Variants in FIRRM observed in about 807,000 individuals in gnomAD.
The protein encoded by FIRRM is FIGNL1-interacting regulator of recombination and mitosis.
chr1:169,796,005 C>G, the FIRRM span: 167 of 975,704 alleles, frequency 1.7e-4, no homozygotes, highest in Middle Eastern at 2.1e-3. Context: ...GTATATGTAT[C>G]TTTTTCACAA....
At chr1:169,827,850 A>G in the FIRRM span, 1 of 1,613,520 alleles carries the variant, frequency 6.2e-7, no homozygotes. Context: ...GGTAGCAAAC[A>G]TGTTTTTATC....
chr1:169,807,054 GT>G, the FIRRM span, among the ~76,000 whole-genome samples: 1 of 152,178 alleles, frequency 6.6e-6, no homozygotes, highest in East Asian at 1.9e-4. Context: ...ATCAGATCAT[GT>G]TACTCTATTG....
the FIRRM span, chr1:169,795,058 G>C: frequency 4.8e-6 from 7 of 1,462,912 alleles, no homozygotes; most frequent in Non-Finnish European, 6.5e-6. Context: ...TTTCCGGTCT[G>C]GGCTTTGGCG....
At chr1:169,794,922 A>T in the FIRRM span, 3 of 594,132 alleles carry the variant, frequency 5.0e-6, no homozygotes, top group Middle Eastern at 3.7e-4. Flanking sequence ...CGAGTCCTCC[A>T]GGGGCTAGAG....
the FIRRM span, among the ~76,000 whole-genome samples, chr1:169,792,176 T>C: frequency 6.6e-6 from 1 of 152,200 alleles, no homozygotes; most frequent in Non-Finnish European, 1.5e-5. Context: ...CCTATTTACA[T>C]AAGGCCCCAA....
the FIRRM span, chr1:169,803,225 A>G: frequency 1.2e-5 from 20 of 1,613,890 alleles, no homozygotes; most frequent in African/African-American, 2.1e-4. Flanking sequence ...TCTGTGCCAC[A>G]CAGGAATCCA....
the FIRRM span, among the ~76,000 whole-genome samples, chr1:169,788,736 C>T: frequency 6.6e-6 from 1 of 152,142 alleles, no homozygotes; most frequent in African/African-American, 2.4e-5. Context: ...TTGCAGATCA[C>T]AAATTGGCCA....
chr1:169,800,714 TC>T, the FIRRM span, among the ~76,000 whole-genome samples: 79 of 98,964 alleles, frequency 8.0e-4, no homozygotes, highest in Non-Finnish European at 1.0e-3. Flanking sequence ...TTCCTTTCTC[TC>T]TTTTTTTTTT....
At chr1:169,797,291 C>T in the FIRRM span, among the ~76,000 whole-genome samples, 3 of 152,128 alleles carry the variant, frequency 2.0e-5, no homozygotes, top group Non-Finnish European at 4.4e-5. Context: ...AATGCCATTA[C>T]CCCCCAAAAT....
At chr1:169,800,796 G>GGTAGTATTCTTGCATTTAATAAA in the FIRRM span, 1 of 477,508 alleles carries the variant, frequency 2.1e-6, no homozygotes, top group African/African-American at 2.2e-5. Flanking sequence ...GCTTTAGATT[G>GGTAGTATTCTTGCATTTAATAAA]GTAGTATTCT....
At chr1:169,784,093 A>G in the FIRRM span, among the ~76,000 whole-genome samples, 1 of 152,204 alleles carries the variant, frequency 6.6e-6, no homozygotes, top group Non-Finnish European at 1.5e-5. Context: ...GCCATAATCA[A>G]TACACTTTTA....
the FIRRM span, among the ~76,000 whole-genome samples, chr1:169,810,521 T>G: frequency 1.3e-5 from 2 of 152,096 alleles, no homozygotes; most frequent in Non-Finnish European, 2.9e-5. Flanking sequence ...AATCCTTAGC[T>G]TACTTTGGCT....
At chr1:169,802,535 C>T in the FIRRM span, 65 of 849,444 alleles carry the variant, frequency 7.7e-5, 1 homozygote, top group Non-Finnish European at 1.1e-4. Flanking sequence ...ATCAAATTAT[C>T]GTATTGTGTT....
chr1:169,842,510 C>A, the FIRRM span: 1 of 1,613,848 alleles, frequency 6.2e-7, no homozygotes, highest in South Asian at 1.1e-5. Context: ...AGTTGTGAGT[C>A]AGCTTTGGGC....
chr1:169,791,204 G>A, the FIRRM span, among the ~76,000 whole-genome samples: 1 of 152,188 alleles, frequency 6.6e-6, no homozygotes, highest in African/African-American at 2.4e-5. Flanking sequence ...CCTGTTGCTA[G>A]GTATAAGCAT....
chr1:169,849,589 T>A, the FIRRM span: 2 of 1,613,126 alleles, frequency 1.2e-6, no homozygotes, highest in Admixed American at 3.3e-5. Flanking sequence ...TGGAGGCGTT[T>A]ACTCAGTTCG....
At chr1:169,822,842 C>T in the FIRRM span, among the ~76,000 whole-genome samples, 5 of 152,294 alleles carry the variant, frequency 3.3e-5, no homozygotes, top group Middle Eastern at 3.4e-3. Flanking sequence ...GTTCTGATGA[C>T]TCTCAAATAC....
the FIRRM span, among the ~76,000 whole-genome samples, chr1:169,802,211 A>G: frequency 6.6e-6 from 1 of 152,208 alleles, no homozygotes; most frequent in Admixed American, 6.5e-5. Context: ...AGTAGTGAAT[A>G]GGCGATTCAG....
the FIRRM span, among the ~76,000 whole-genome samples, chr1:169,840,068 T>C: frequency 6.6e-6 from 1 of 152,210 alleles, no homozygotes; most frequent in Non-Finnish European, 1.5e-5. Flanking sequence ...TTCTCTATTG[T>C]GTTTCATTGA....
Sources: allele counts gnomAD v4.1 joint callset (sites outside exome capture counted in the v4.1 genomes callset), GRCh38; gene constraint gnomAD v4.1.1; transcripts MANE v1.5; gene names NCBI Gene and HGNC (gene_info 2026-07-23, HGNC 2026-07-21).